WDR36: variants seen among roughly 807,000 people sequenced by gnomAD.
WDR36 encodes WD repeat domain 36.
In WDR36, 63 loss-of-function variants were observed where a neutral mutation model predicts 112.7. The ratio of observed to expected loss-of-function variants is 0.56; its 90% CI spans 0.46 to 0.69. The LOEUF is 0.69. WDR36 is among the 30% of genes least tolerant of loss of function. The pLI is 0.00. For synonymous variants in WDR36, 410 were observed against 362.2 expected, an observed-to-expected ratio of 1.13 and a Z score of -1.50; for missense variants, 1,226 against 1,070.3, an observed-to-expected ratio of 1.15 and a Z score of -2.03.
Position 111,104,218 on chromosome 5 carries a change from A to G in WDR36, c.772A>G (p.Ile258Val), listed in dbSNP as rs1322412730. 1.2e-6 allele frequency: 2 copies of G among 1,611,656 alleles called. No individual in the cohort carries two copies. The highest frequency in any genetic ancestry group is 2.2e-5 in the East Asian group (1 of 44,844). The change falls in exon 8 of 23, where the codon ATT becomes GTT. Residue 258 changes from isoleucine (I) to valine (V), a missense_variant. Physicochemically the swap from Ile to Val is conservative, Grantham distance 29. Transcript: ENST00000513710. The part of the protein sequence containing the change: ...VMAAGSPCGH[I>V]GLWDLEDKKL... The stretch of plus-strand genomic sequence containing the variant: ...GGCAGCTGGAAGCCCATGTGGCCAT[A>G]TTGGACTCTGGGATCTAGAAGACAA...
chr5:111,110,684 A>T, intron 13 of WDR36, 104 bp from the exon 14 acceptor site: 1 of 1,249,812 alleles, frequency 8.0e-7, no homozygotes, highest in Non-Finnish European at 1.1e-6. Flanking sequence ...AAGGATATTT[A>T]AGTGGCACCT....
chr5:111,125,367 A>C (rs1753658231), intron 21 of WDR36, among the ~76,000 whole-genome samples: 1 of 152,136 alleles, frequency 6.6e-6, no homozygotes, highest in Non-Finnish European at 1.5e-5. Flanking sequence ...TAACAGGAAA[A>C]AGGTTTAAAT....
At position 111,121,032 on chromosome 5, in the gene WDR36, AT is replaced by A; in HGVS notation, c.2040del (p.Asp680GlufsTer3). ...TCAGAAGAAACAGTAGAACCAAGTG[AT>A]GAATTGATAGAATATGATTCGCCAG... ...EVSEETVEPS[D>X]ELIEYDSPEQ... On this transcript the variant is annotated frameshift_variant, in exon 19 of 23. Coordinates refer to ENST00000513710, the MANE Select transcript of WDR36 (RefSeq NM_139281.3). LOFTEE classifies it high-confidence loss of function. The A allele has an allele frequency of 3.1e-6, 5 of 1,613,564 alleles. No homozygotes were observed. Among genetic ancestry groups the A allele is most frequent in the Non-Finnish European group, 4.2e-6 (5 of 1,179,622 alleles).
Position 111,094,815 on chromosome 5 carries a change from C to T in WDR36, c.163-105C>T, listed in dbSNP as rs1247771930. On this transcript the variant is annotated intron_variant, in intron 1 of 22. Coordinates refer to ENST00000513710, the MANE Select transcript of WDR36 (RefSeq NM_139281.3). ...CAGTAAGTGTCTTTCTTATGAAGGA[C>T]AGCATAGCAAATATACGTATGAGGT... is the stretch of plus-strand genomic sequence containing the variant. 3.3e-6 allele frequency: 3 copies of T among 912,148 alleles called. No individual in the cohort carries two copies. In the African/African-American group the frequency reaches 5.0e-5, roughly 15 times the overall value. The allele number at this position is 912,148 out of a possible 1,614,324, so 56.5% of individuals were successfully genotyped here.
intron 12 of WDR36, 109 bp downstream of exon 12, chr5:111,107,548 C>G: frequency 7.1e-7 from 1 of 1,409,504 alleles, no homozygotes. Context: ...CGTAGTTTAA[C>G]ATTTTAAAGC....
Position 111,104,711 on chromosome 5 carries a change from T to C in WDR36, c.921T>C (p.Asp307=), listed in dbSNP as rs762659234. 12 of 1,611,218 alleles carry C rather than the reference T, an allele frequency of 7.4e-6. No homozygotes were observed. The South Asian group carries it at 1.3e-4, about 18-fold the overall frequency. Residue 307 remains aspartate, a synonymous_variant, in exon 9 of 23, where the codon GAT becomes GAC. Transcript: ENST00000513710. ...TTTCTTGGCAGATATGGATATTTGA[T>C]GGTCCTACAGGTGAAGGCCGACTTT... ...ADNALRIWIF[D]GPTGEGRLLR... is the part of the protein sequence containing the mutation.
Position 111,097,067 on chromosome 5 carries a change from AT to A in WDR36, c.191-8del. On this transcript the variant is annotated splice_polypyrimidine_tract_variant and intron_variant, in intron 2 of 22. Transcript: ENST00000513710. Reference sequence around the variant, plus strand: ...AAAATCCCTGTTTCTTTCATTTTGTATTTTCTGCTAGGTAATTCTGTTCCAC... The same window carrying A: ...AAAATCCCTGTTTCTTTCATTTTGTATTTCTGCTAGGTAATTCTGTTCCAC... 1 of 1,601,210 alleles carries A rather than the reference AT, an allele frequency of 6.2e-7. No homozygotes were observed. Among genetic ancestry groups the A allele is most frequent in the South Asian group, 1.1e-5 (1 of 90,818 alleles).
chr5:111,112,743 C>G (rs898780627), intron 15 of WDR36, among the ~76,000 whole-genome samples: 5 of 151,744 alleles, frequency 3.3e-5, no homozygotes, highest in African/African-American at 1.2e-4. Context: ...TTATCACACA[C>G]ATAAACATTG....
intron 15 of WDR36, 146 bp downstream of exon 15, chr5:111,111,424 T>G: frequency 1.4e-6 from 1 of 713,668 alleles, no homozygotes; most frequent in South Asian, 1.6e-5. Flanking sequence ...AGGAAAATTT[T>G]GAATTAAAAG....
chr5:111,119,237 A>G, intron 17 of WDR36, 117 bp downstream of exon 17: 1 of 807,212 alleles, frequency 1.2e-6, no homozygotes, highest in Non-Finnish European at 2.2e-6. Flanking sequence ...AAATGTCACA[A>G]GTTAACACAG....
rs777243386 is a variant in WDR36 at position 111,121,010 on chromosome 5, G to C, written c.2017G>C (p.Glu673Gln). The C allele has an allele frequency of 6.2e-7, 1 of 1,613,090 alleles. No homozygotes were observed. The highest frequency in any genetic ancestry group is 2.2e-5 in the East Asian group (1 of 44,788). The change falls in exon 19 of 23, where the codon GAA becomes CAA. Residue 673 changes from glutamate (E) to glutamine (Q), a missense_variant. Transcript: ENST00000513710. Reference sequence around the variant, plus strand: ...ATTTTTTTAAGATGTAGAAGTATCAGAAGAAACAGTAGAACCAAGTGATGA... The same window carrying C: ...ATTTTTTTAAGATGTAGAAGTATCACAAGAAACAGTAGAACCAAGTGATGA... Reference protein sequence around the residue: ...TCQTQDVEVSEETVEPSDELI... With the variant: ...TCQTQDVEVSQETVEPSDELI...
chr5:111,107,753 A>G (rs892030367), intron 12 of WDR36, among the ~76,000 whole-genome samples: 2 of 151,260 alleles, frequency 1.3e-5, no homozygotes, highest in African/African-American at 2.4e-5. Context: ...TTCTTTCTCC[A>G]TTGAAAGATC....
chr5:111,116,593 A>G (rs1043438088), intron 16 of WDR36, among the ~76,000 whole-genome samples: 1 of 139,668 alleles, frequency 7.2e-6, no homozygotes, highest in Non-Finnish European at 1.5e-5. Flanking sequence ...TTTCAGAAAA[A>G]ATTGTAAGGT....
At position 111,107,374 on chromosome 5, in the gene WDR36, A is replaced by G; in HGVS notation, c.1261A>G (p.Lys421Glu). 6.2e-7 allele frequency: 1 copy of G among 1,610,684 alleles called. No individual in the cohort carries two copies. The highest frequency in any genetic ancestry group is 1.7e-5 in the Admixed American group (1 of 59,644). Reference sequence around the variant, plus strand: ...ATCTTGCTCAACCTGGAATTATCAGAAATCTACAATAGGCGCTTACTTTCT... The same window carrying G: ...ATCTTGCTCAACCTGGAATTATCAGGAATCTACAATAGGCGCTTACTTTCT... ...KLSCSTWNYQ[K>E]STIGAYFLKP... is the part of the protein sequence containing the mutation. Residue 421 changes from lysine (K) to glutamate (E), a missense_variant, in exon 12 of 23, where the codon AAA becomes GAA. Lys to Glu is a moderately conservative substitution (Grantham distance 56). Coordinates refer to ENST00000513710, the MANE Select transcript of WDR36 (RefSeq NM_139281.3).
At position 111,121,876 on chromosome 5, in the gene WDR36, T is replaced by C. The variant is rs1182474689; in HGVS notation, c.2148+735T>C. Among the ~76,000 whole-genome samples, 6 of 152,262 alleles carry C rather than the reference T, an allele frequency of 3.9e-5. No individual in the cohort carries two copies. In the East Asian group the frequency reaches 1.2e-3, roughly 29 times the overall value. ...AATGCAAGTATTGTTTGGTGAAACT[T>C]GAGTTGGTTAGACATACACATACAC... On this transcript the variant is annotated intron_variant, in intron 19 of 22. Coordinates refer to ENST00000513710, the MANE Select transcript of WDR36 (RefSeq NM_139281.3).
At position 111,108,858 on chromosome 5, in the gene WDR36, G is replaced by GTGATACATACAT. The variant is rs1299244999; in HGVS notation, c.1327-1331_1327-1330insTGATACATACAT. On this transcript the variant is annotated intron_variant, in intron 12 of 22. Transcript: ENST00000513710. ...TTATAGCCCATAGGGATCACTTATA[G>GTGATACATACAT]AACATTTAGTATGTATGTATACTAT... is the stretch of plus-strand genomic sequence containing the variant. Among the ~76,000 whole-genome samples the GTGATACATACAT allele has an allele frequency of 5.4e-4, 81 of 151,358 alleles. 1 individual carries two copies. The highest frequency in any genetic ancestry group is 2.0e-3 in the African/African-American group (81 of 41,454).
Position 111,104,258 on chromosome 5 carries a change from A to G in WDR36, c.812A>G (p.Gln271Arg), listed in dbSNP as rs777979419. Residue 271 changes from glutamine to arginine, a missense_variant, in exon 8 of 23, where the codon CAA becomes CGA. By Grantham distance (43) the Gln-to-Arg change is conservative. Transcript: ENST00000513710. ...WDLEDKKLIN[Q>R]MRNAHSTAIA... ...CTAGAAGACAAAAAATTAATCAACC[A>G]AATGAGAAATGCACACTCTACAGCA... is the stretch of plus-strand genomic sequence containing the variant. The G allele has an allele frequency of 1.2e-6, 2 of 1,612,000 alleles. No individual in the cohort carries two copies. The highest frequency in any genetic ancestry group is 1.6e-4 in the Middle Eastern group (1 of 6,074).
intron 17 of WDR36, 102 bp from the exon 18 acceptor site, chr5:111,120,394 T>G: frequency 2.2e-6 from 2 of 929,164 alleles, no homozygotes; most frequent in Non-Finnish European, 3.4e-6. Context: ...GAGGTATTTT[T>G]TAACTAATAA....
chr5:111,125,811 G>C lies in WDR36; in HGVS notation c.2538+16G>C. On this transcript the variant is annotated intron_variant, in intron 22 of 22. Coordinates refer to ENST00000513710, the MANE Select transcript of WDR36 (RefSeq NM_139281.3). ...GTTTCTAAAGGTAAGTCTAATGTAA[G>C]ACAGTACTGCCCAGCTTGTCTTCTT... The C allele has an allele frequency of 6.2e-7, 1 of 1,613,344 alleles. No individual in the cohort carries two copies.
Sources: gnomAD v4.1 joint callset for allele counts (sites outside exome capture counted in the v4.1 genomes callset) on GRCh38, gnomAD v4.1.1 for gene constraint, MANE v1.5 for transcripts, NCBI Gene and HGNC (gene_info 2026-07-23, HGNC 2026-07-21) for gene names.